GPR89A: variants seen among roughly 807,000 people sequenced by gnomAD.
GPR89A encodes the protein G protein-coupled receptor 89A.
GPR89A carries 16 observed loss-of-function variants against 52.0 expected under a neutral mutation model. That is an observed-to-expected ratio of 0.31 (90% confidence interval 0.21 to 0.47). The LOEUF is 0.47. GPR89A is among the 20% of genes least tolerant of loss of function. The pLI is 1.00. For synonymous variants in GPR89A, 55 were observed against 150.9 expected, an observed-to-expected ratio of 0.36 and a Z score of 4.66; for missense variants, 135 against 449.4, an observed-to-expected ratio of 0.30 and a Z score of 6.33.
In GPR89A at chr1:145,669,530, A is replaced by G; in HGVS notation, c.1096-95A>G. ...TCTATACAGGATTGTGGCATGGAAG[A>G]GACACTTTTAATCAAATGTTAACCA... On this transcript the variant is annotated intron_variant, in intron 12 of 13. Coordinates refer to ENST00000313835, the MANE Select transcript of GPR89A (RefSeq NM_001097612.2). The G allele has an allele frequency of 1.1e-5, 12 of 1,054,046 alleles. No individual in the cohort carries two copies. The South Asian group carries it at 1.5e-4, about 14-fold the overall frequency. The allele number at this position is 1,054,046 out of a possible 1,614,324, so 65.3% of individuals were successfully genotyped here. A position where few individuals can be genotyped will look rare whatever the true frequency, so the allele number is the denominator to read the frequency against.
chr1:145,662,487 A>G (rs1311664322), intron 10 of GPR89A, among the ~76,000 whole-genome samples: 3 of 151,904 alleles, frequency 2.0e-5, no homozygotes, highest in Non-Finnish European at 4.4e-5. Flanking sequence ...TATATTTATT[A>G]AAGTGGTTTT....
At chr1:145,618,921 T>A (rs1648911846) in intron 3 of GPR89A, among the ~76,000 whole-genome samples, 1 of 151,382 alleles carries the variant, frequency 6.6e-6, no homozygotes, top group Non-Finnish European at 1.5e-5. Flanking sequence ...TAAAACACTT[T>A]TTAAAAATAA....
chr1:145,652,264 T>C (rs1266186015), intron 10 of GPR89A, among the ~76,000 whole-genome samples: 2 of 151,864 alleles, frequency 1.3e-5, no homozygotes, highest in African/African-American at 4.8e-5. Context: ...CATGTGGTTT[T>C]TGTCATTGGT....
intron 7 of GPR89A, among the ~76,000 whole-genome samples, chr1:145,636,028 T>C (rs1391568511): frequency 1.3e-5 from 2 of 152,128 alleles, no homozygotes; most frequent in South Asian, 2.1e-4. Context: ...TTCATACTAA[T>C]AGTGCTAAGG....
chr1:145,610,686 T>C (rs1648202534), intron 1 of GPR89A, among the ~76,000 whole-genome samples: 1 of 152,194 alleles, frequency 6.6e-6, no homozygotes, highest in South Asian at 2.1e-4. Context: ...ATAAACTCCT[T>C]GAGAGTAGCA....
chr1:145,639,793 C>G (rs1650511798), intron 7 of GPR89A, among the ~76,000 whole-genome samples: 1 of 150,008 alleles, frequency 6.7e-6, no homozygotes, highest in South Asian at 2.1e-4. Context: ...CAAATACACC[C>G]AGCTAATTTT....
intron 2 of GPR89A, 119 bp downstream of exon 2, chr1:145,616,412 C>G: frequency 1.3e-6 from 1 of 773,112 alleles, no homozygotes; most frequent in East Asian, 2.5e-5. Context: ...CAAATAAGTA[C>G]TATATAACTA....
In GPR89A at chr1:145,665,572, G is replaced by C. The variant is rs1571549907; in HGVS notation, c.1016G>C (p.Trp339Ser). The change falls in exon 12 of 14, where the codon TGG becomes TCG. Residue 339 changes from tryptophan (W) to serine (S), a missense_variant. Transcript: ENST00000313835. The part of the protein sequence containing the change: ...YLGIQFDVKF[W>S]SQHISFILVG... ...TTGTTATGGTGGCAGGTGAAGTTTT[G>C]GTCCCAACACATTTCCTTCATTCTT... The C allele has an allele frequency of 5.8e-6, 7 of 1,206,988 alleles. No individual in the cohort carries two copies. Among genetic ancestry groups the C allele is most frequent in the Non-Finnish European group, 8.6e-6 (7 of 812,736 alleles). 74.8% of individuals were successfully genotyped at this position (1,206,988 alleles called of 1,614,324 possible). A position where few individuals can be genotyped will look rare whatever the true frequency, so the allele number is the denominator to read the frequency against.
Position 145,645,601 on chromosome 1 carries a change from T to C in GPR89A, c.728-583T>C, listed in dbSNP as rs1650928387. 9.0e-5 allele frequency: 41 copies of C among 453,856 alleles called. 1 individual carries two copies. Among genetic ancestry groups the C allele is most frequent in the South Asian group, 6.2e-4 (40 of 64,468 alleles). 28.1% of individuals were successfully genotyped at this position (453,856 alleles called of 1,614,324 possible). A position where few individuals can be genotyped will look rare whatever the true frequency, so the allele number is the denominator to read the frequency against. On this transcript the variant is annotated intron_variant, in intron 8 of 13. Transcript: ENST00000313835. ...AAAAGAGGATTTGACTTTGCATCTC[T>C]ATCAATTAATTGTGTGACTTTGAGC...
At chr1:145,622,960 G>A in intron 3 of GPR89A, 94 bp from the exon 4 acceptor site, 4 of 1,592,684 alleles carry the variant, frequency 2.5e-6, no homozygotes. Context: ...TCAATATTGA[G>A]TCCAAAGAGC....
intron 1 of GPR89A, among the ~76,000 whole-genome samples, chr1:145,609,914 A>G (rs1489758657): frequency 6.6e-6 from 1 of 152,182 alleles, no homozygotes; most frequent in Non-Finnish European, 1.5e-5. Context: ...CGCTTTAGGA[A>G]GGTCTTACCT....
chr1:145,617,537 A>G (rs1328963997), intron 2 of GPR89A, among the ~76,000 whole-genome samples: 1 of 152,140 alleles, frequency 6.6e-6, no homozygotes, highest in Non-Finnish European at 1.5e-5. Flanking sequence ...TAATTTGGGG[A>G]ACTAATAAAT....
rs1553697120 is a variant in GPR89A, at chr1:145,669,662, T to G, written c.1133T>G (p.Val378Gly). ...YAISSSKSSN[V>G]IVLLLAQIMG... The stretch of plus-strand genomic sequence containing the variant: ...ATCTCTAGCAGTAAGTCCTCCAATG[T>G]CATTGTCCTGCTATTAGCACAGATA... The change falls in exon 13 of 14, where the codon GTC (valine) becomes GGC (glycine). Residue 378 changes from valine (V) to glycine (G), a missense_variant. Transcript: ENST00000313835. 1.2e-6 allele frequency: 2 copies of G among 1,611,422 alleles called. No individual in the cohort carries two copies. Among genetic ancestry groups the G allele is most frequent in the African/African-American group, 2.7e-5 (2 of 74,722 alleles).
chr1:145,662,612 A>G (rs1553695755), intron 10 of GPR89A, among the ~76,000 whole-genome samples: 2 of 152,100 alleles, frequency 1.3e-5, no homozygotes, highest in Non-Finnish European at 2.9e-5. Context: ...GGCCAAACCT[A>G]ACCACTGCCT....
intron 11 of GPR89A, 37 bp downstream of exon 11, chr1:145,663,461 C>G (rs1559050894): frequency 1.9e-6 from 3 of 1,610,376 alleles, no homozygotes; most frequent in South Asian, 2.2e-5. Context: ...TGTCATGTTT[C>G]TGTTTTATCT....
chr1:145,665,228 A>G (rs2624778), intron 11 of GPR89A, among the ~76,000 whole-genome samples: 2 of 152,094 alleles, frequency 1.3e-5, no homozygotes, highest in African/African-American at 4.8e-5. Flanking sequence ...CATGCCTGTA[A>G]TACCAACACT....
intron 10 of GPR89A, among the ~76,000 whole-genome samples, chr1:145,647,886 T>G (rs1485224601): frequency 5.5e-4 from 31 of 56,098 alleles, no homozygotes; most frequent in African/African-American, 1.7e-3. Flanking sequence ...TCTCTATATA[T>G]ATATATATAT....
chr1:145,655,771 T>G (rs1651768691), intron 10 of GPR89A, among the ~76,000 whole-genome samples: 1 of 152,098 alleles, frequency 6.6e-6, no homozygotes, highest in Non-Finnish European at 1.5e-5. Context: ...AGGCACGGGA[T>G]CAGGGACCTG....
rs1450062990 is a variant in GPR89A, at chr1:145,660,028, A to T, written c.910-3301A>T. ...ATTCCTAGGTATTTTATTCTCTTTG[A>T]AGCAATTGTGAATGGGAGTTCACTC... On this transcript the variant is annotated intron_variant, in intron 10 of 13. Transcript: ENST00000313835. Among the ~76,000 whole-genome samples the T allele has an allele frequency of 3.0e-4, 45 of 151,880 alleles. 1 individual carries two copies. The South Asian group carries it at 9.1e-3, about 31-fold the overall frequency.
Sources: gnomAD v4.1 joint callset for allele counts (sites outside exome capture counted in the v4.1 genomes callset) on GRCh38, gnomAD v4.1.1 for gene constraint, MANE v1.5 for transcripts, NCBI Gene and HGNC (gene_info 2026-07-23, HGNC 2026-07-21) for gene names.